The following DLGAP2 variants were observed in gnomAD, a reference collection of about 807,000 sequenced individuals.
DLGAP2 encodes DLG associated protein 2, also known as disks large-associated protein 2.
DLGAP2 carries 26 observed loss-of-function variants against 100.3 expected under a neutral mutation model. The ratio of observed to expected loss-of-function variants is 0.26; its 90% CI spans 0.19 to 0.36. The LOEUF is 0.36. DLGAP2 is among the 10% of genes least tolerant of loss of function. The pLI is 1.00. For missense variants in DLGAP2, 1,858 were observed against 1,453.2 expected (o/e 1.28, Z -4.53); for synonymous variants, 886 against 630.1 (o/e 1.41, Z -6.08).
At chr8:1,091,256 C>G (rs1293681416) in intron 2 of DLGAP2, among the ~76,000 whole-genome samples, 2 of 152,188 alleles carry the variant, frequency 1.3e-5, no homozygotes, top group Admixed American at 1.3e-4. Flanking sequence ...AATTCCAGAG[C>G]GGATACTCGA....
At chr8:900,531 G>A (rs1309768318) in intron 1 of DLGAP2, among the ~76,000 whole-genome samples, 1 of 152,230 alleles carries the variant, frequency 6.6e-6, no homozygotes, top group Non-Finnish European at 1.5e-5. Context: ...CAGCAAATAT[G>A]CAGTGTGTGG....
intron 6 of DLGAP2, among the ~76,000 whole-genome samples, chr8:1,622,653 G>T (rs1023764487): frequency 2.6e-5 from 4 of 152,160 alleles, no homozygotes; most frequent in Admixed American, 6.5e-5. Flanking sequence ...AATCTAAGGG[G>T]AGCAACATCT....
chr8:912,140 A>G (rs1798497537), intron 2 of DLGAP2, among the ~76,000 whole-genome samples: 1 of 152,222 alleles, frequency 6.6e-6, no homozygotes. Flanking sequence ...GAATGAATTG[A>G]TTTTGCAATA....
chr8:1,407,698 A>G (rs1166706669), intron 3 of DLGAP2, among the ~76,000 whole-genome samples: 2 of 85,746 alleles, frequency 2.3e-5, no homozygotes, highest in Admixed American at 1.1e-4. Flanking sequence ...CCACCTCCTC[A>G]TCCTCCAGAG....
At chr8:880,219 C>T (rs1308447309) in intron 1 of DLGAP2, among the ~76,000 whole-genome samples, 2 of 152,290 alleles carry the variant, frequency 1.3e-5, no homozygotes, top group East Asian at 1.9e-4. Context: ...TTTGTTCCTC[C>T]GTCCCTCTTT....
intron 1 of DLGAP2, among the ~76,000 whole-genome samples, chr8:824,109 C>T (rs574167719): frequency 6.6e-6 from 1 of 151,932 alleles, no homozygotes; most frequent in Non-Finnish European, 1.5e-5. Context: ...TTTTCTCCCT[C>T]TGTCACTCAG....
At chr8:1,271,409 C>T (rs753163370) in intron 3 of DLGAP2, among the ~76,000 whole-genome samples, 2 of 152,156 alleles carry the variant, frequency 1.3e-5, no homozygotes, top group Non-Finnish European at 2.9e-5. Flanking sequence ...TACTTTTATT[C>T]TGGAGACTTG....
intron 3 of DLGAP2, among the ~76,000 whole-genome samples, chr8:1,295,798 A>G (rs1225889939): frequency 6.6e-6 from 1 of 152,186 alleles, no homozygotes; most frequent in Non-Finnish European, 1.5e-5. Flanking sequence ...GTGACAGGGA[A>G]GTGGGAAGAG....
intron 13 of DLGAP2, among the ~76,000 whole-genome samples, chr8:1,693,155 C>CAT (rs57554933): frequency 0.38 from 56,097 of 146,848 alleles, 10,928 homozygotes; most frequent in South Asian, 0.54. Context: ...AAATATATAA[C>CAT]ATTAACTACA....
At chr8:1,098,082 T>C (rs1185486746) in intron 2 of DLGAP2, among the ~76,000 whole-genome samples, 1 of 152,258 alleles carries the variant, frequency 6.6e-6, no homozygotes, top group African/African-American at 2.4e-5. Context: ...GAGTTATATT[T>C]CCTTGCAACG....
At chr8:1,610,131 G>C (rs1160984367) in intron 6 of DLGAP2, among the ~76,000 whole-genome samples, 5 of 151,772 alleles carry the variant, frequency 3.3e-5, no homozygotes, top group Admixed American at 2.0e-4. Flanking sequence ...TGACCACATA[G>C]TTGGAAGTAA....
intron 1 of DLGAP2, among the ~76,000 whole-genome samples, chr8:799,747 C>A (rs1430464068): frequency 6.6e-6 from 1 of 152,092 alleles, no homozygotes; most frequent in African/African-American, 2.4e-5. Context: ...TGGGTGCACG[C>A]CCCCACATCC....
intron 2 of DLGAP2, among the ~76,000 whole-genome samples, chr8:1,242,173 C>G (rs996018538): frequency 6.6e-6 from 1 of 152,154 alleles, no homozygotes; most frequent in African/African-American, 2.4e-5. Context: ...CACGAAGACA[C>G]TAATTAGTTT....
At chr8:1,689,617 C>T (rs1425821730) in intron 12 of DLGAP2, among the ~76,000 whole-genome samples, 1 of 151,688 alleles carries the variant, frequency 6.6e-6, no homozygotes. Context: ...GTGATTTGTG[C>T]TCTGCAGAGA....
chr8:872,681 A>G (rs1357699533), intron 1 of DLGAP2, among the ~76,000 whole-genome samples: 1 of 152,166 alleles, frequency 6.6e-6, no homozygotes, highest in Non-Finnish European at 1.5e-5. Context: ...TATACCCCAT[A>G]CTACTCACCC....
In DLGAP2 at chr8:1,462,082, T is replaced by A. The variant is rs551860658; in HGVS notation, c.107-39284T>A. On this transcript the variant is annotated intron_variant, in intron 3 of 14. Coordinates refer to ENST00000637795, the MANE Select transcript of DLGAP2 (RefSeq NM_001346810.2). ...GGGCGGCATTTGGGTTGGGAGAAGG[T>A]GCTGCTGTCACAGGACTGGGTGCAG... Among the ~76,000 whole-genome samples the A allele has an allele frequency of 2.0e-3, 110 of 55,798 alleles. 3 individuals are homozygous for A. The highest frequency in any genetic ancestry group is 0.013 in the Middle Eastern group (1 of 76). The allele number at this position is 55,798 out of a possible 152,430, so 36.6% of individuals were successfully genotyped here. A position where few individuals can be genotyped will look rare whatever the true frequency, so the allele number is the denominator to read the frequency against.
At chr8:1,501,006 C>G (rs1206464056) in intron 3 of DLGAP2, among the ~76,000 whole-genome samples, 2 of 152,114 alleles carry the variant, frequency 1.3e-5, no homozygotes, top group East Asian at 3.9e-4. Context: ...CTGGAAGGAA[C>G]CGGGGAAAAT....
At chr8:1,357,589 C>A (rs1243101628) in intron 3 of DLGAP2, among the ~76,000 whole-genome samples, 1 of 152,116 alleles carries the variant, frequency 6.6e-6, no homozygotes, top group Non-Finnish European at 1.5e-5. Flanking sequence ...AATATTCTTA[C>A]AGTTCCCTGG....
At chr8:747,283 G>T (rs1820639468) in intron 1 of DLGAP2, among the ~76,000 whole-genome samples, 1 of 152,068 alleles carries the variant, frequency 6.6e-6, no homozygotes, top group Admixed American at 6.5e-5. Context: ...AAGACTGCAA[G>T]ATATCATAAA....
Sources: allele counts gnomAD v4.1 joint callset (sites outside exome capture counted in the v4.1 genomes callset), GRCh38; gene constraint gnomAD v4.1.1; transcripts MANE v1.5; gene names NCBI Gene and HGNC (gene_info 2026-07-23, HGNC 2026-07-21).